The following ZNF276 variants were observed in gnomAD, a reference collection of about 807,000 sequenced individuals.
ZNF276 encodes zinc finger protein 276, also known as centromere protein Z.
ZNF276 carries 59 observed loss-of-function variants against 63.9 expected under a neutral mutation model. The ratio of observed to expected loss-of-function variants is 0.92; its 90% CI spans 0.75 to 1.15. ZNF276 has a LOEUF of 1.15. Ranked by LOEUF, ZNF276 falls within the 50% of genes most tolerant of loss-of-function variation. The pLI, the probability that ZNF276 is intolerant of heterozygous loss-of-function variation, is 0.00. For missense variants in ZNF276, 1,084 were observed against 843.8 expected (o/e 1.28, Z -3.53); for synonymous variants, 496 against 348.4 (o/e 1.42, Z -4.72).
chr16:89,730,320 G>A (rs2061604887), intron 6 of ZNF276, among the ~76,000 whole-genome samples: 1 of 152,168 alleles, frequency 6.6e-6, no homozygotes, highest in Non-Finnish European at 1.5e-5. Flanking sequence ...TGAGGCTGCT[G>A]TACGGAAGCC....
chr16:89,740,242 G>A lies in ZNF276; in HGVS notation c.*1996G>A. 5.3e-6 allele frequency: 4 copies of A among 756,108 alleles called. No individual in the cohort carries two copies. The highest frequency in any genetic ancestry group is 3.9e-5 in the Admixed American group (2 of 50,686). The allele number at this position is 756,108 out of a possible 1,614,324, so 46.8% of individuals were successfully genotyped here. ...ACTGGTGACAGTTTTACCTATAGAAGGTAATACTGGGCCTCTGGACAGAAG... is the reference window on the plus strand; with the variant it reads ...ACTGGTGACAGTTTTACCTATAGAAAGTAATACTGGGCCTCTGGACAGAAG... On this transcript the variant is annotated 3_prime_UTR_variant, in exon 11 of 11. Transcript: ENST00000443381.
At position 89,738,308 on chromosome 16, in the gene ZNF276, A is replaced by C; in HGVS notation, c.*62A>C. On this transcript the variant is annotated 3_prime_UTR_variant, in exon 11 of 11. Transcript: ENST00000443381. ...ACTCCGCAGTGGCTGTGTCAGCCTC[A>C]CCCTTCGTGTGCACCCGCATGGGAG... 70 of 1,525,374 alleles carry C rather than the reference A, an allele frequency of 4.6e-5. No homozygotes were observed. The highest frequency in any genetic ancestry group is 5.5e-5 in the Non-Finnish European group (63 of 1,136,380). The allele number at this position is 1,525,374 out of a possible 1,614,324, so 94.5% of individuals were successfully genotyped here.
chr16:89,723,710 G>C lies in ZNF276; in HGVS notation c.1006+1G>C. 6.2e-7 allele frequency: 1 copy of C among 1,606,312 alleles called. No individual in the cohort carries two copies. The highest frequency in any genetic ancestry group is 8.5e-7 in the Non-Finnish European group (1 of 1,175,962). ...AGCCTGCCCCTTTGCAGGGCCCCAG[G>C]TAGGAGGCACCTCTTGCTGGTGCTA... On this transcript the variant is annotated splice_donor_variant, in intron 4 of 10. Coordinates refer to ENST00000443381, the MANE Select transcript of ZNF276 (RefSeq NM_001113525.2). LOFTEE classifies it high-confidence loss of function.
At chr16:89,720,876 G>C, upstream of ZNF276, 1 of 1,354,424 alleles carries the variant, frequency 7.4e-7, no homozygotes. Flanking sequence ...CCGAGCGGGG[G>C]AGGCGGCGGC....
rs745577614 is a variant in ZNF276 at position 89,739,271 on chromosome 16, A to G, written c.*1025A>G. ...CCTCTTCCCTGATGGCCGCGTCTTC[A>G]TGGAAGTAGGAGAGAAGACTAGAGG... is the stretch of plus-strand genomic sequence containing the variant. On this transcript the variant is annotated 3_prime_UTR_variant, in exon 11 of 11. Transcript: ENST00000443381. 7.4e-6 allele frequency: 12 copies of G among 1,614,166 alleles called. No individual in the cohort carries two copies. The highest frequency in any genetic ancestry group is 1.0e-5 in the Non-Finnish European group (12 of 1,180,028).
At chr16:89,733,882 G>A in intron 8 of ZNF276, 39 bp from the exon 9 acceptor site, 1 of 1,599,886 alleles carries the variant, frequency 6.3e-7, no homozygotes, top group Non-Finnish European at 8.6e-7. Flanking sequence ...TGTGGCCCGG[G>A]TGCGGCTCTG....
intron 9 of ZNF276, among the ~76,000 whole-genome samples, chr16:89,735,622 AGCACTTTGGAG>A (rs1426288847): frequency 1.3e-5 from 2 of 152,082 alleles, no homozygotes; most frequent in Non-Finnish European, 1.5e-5. Flanking sequence ...CTGTAATCGC[AGCACTTTGGAG>A]GCTAAGGCAG....
In ZNF276 at chr16:89,737,860, A is replaced by AC; in HGVS notation, c.1531dup (p.Leu511ProfsTer17). 1 of 1,614,142 alleles carries AC rather than the reference A, an allele frequency of 6.2e-7. No individual in the cohort carries two copies. The highest frequency in any genetic ancestry group is 1.7e-5 in the Admixed American group (1 of 60,016). ...GGACAAACCTTCAAGCAGCGGAAGC[A>AC]CCTTCTCGTCCACCAAATGCGACAT... On this transcript the variant is annotated frameshift_variant, in exon 10 of 11. Transcript: ENST00000443381. LOFTEE classifies it high-confidence loss of function.
chr16:89,733,317 G>C lies in ZNF276; in HGVS notation c.1185G>C (p.Lys395Asn), dbSNP rs200120406. The part of the protein sequence containing the change: ...PYPERKVSGK[K>N]SESKEAKKSE... ...TTTTTTTCAGAGTCTCTGGTAAGAA[G>C]AGTGAAAGCAAAGAAGCCAAGAAGT... Residue 395 changes from lysine (K) to asparagine (N), a missense_variant, in exon 7 of 11, where the codon AAG becomes AAC. Physicochemically the swap from Lys to Asn is moderately conservative, Grantham distance 94. Coordinates refer to ENST00000443381, the MANE Select transcript of ZNF276 (RefSeq NM_001113525.2). The C allele has an allele frequency of 1.2e-6, 2 of 1,613,950 alleles. No individual in the cohort carries two copies. Among genetic ancestry groups the C allele is most frequent in the African/African-American group, 2.7e-5 (2 of 74,926 alleles).
Position 89,733,550 on chromosome 16 carries a change from G to A in ZNF276, c.1349G>A (p.Gly450Asp). The change falls in exon 8 of 11, where the codon GGC becomes GAC. Residue 450 changes from glycine (G) to aspartate (D), a missense_variant. Physicochemically the swap from Gly to Asp is moderately conservative, Grantham distance 94 (BLOSUM62 -1). Transcript: ENST00000443381. ...ACGGCCGTGTACCGAGGCGCTGACG[G>A]CATGAAGGTGAGCACTGGCTGTGCC... The part of the protein sequence containing the change: ...GCTAVYRGAD[G>D]MKKHIKEHHE... 6.2e-7 allele frequency: 1 copy of A among 1,613,994 alleles called. No individual in the cohort carries two copies. Among genetic ancestry groups the A allele is most frequent in the Non-Finnish European group, 8.5e-7 (1 of 1,180,032 alleles).
chr16:89,736,331 ATT>A (rs754681240), intron 9 of ZNF276, among the ~76,000 whole-genome samples: 5 of 135,076 alleles, frequency 3.7e-5, no homozygotes, highest in African/African-American at 1.4e-4. Context: ...CCAGCCCCCA[ATT>A]TTTTTTTTTT....
chr16:89,722,136 A>T (rs1429061504), intron 1 of ZNF276, among the ~76,000 whole-genome samples: 1 of 151,930 alleles, frequency 6.6e-6, no homozygotes, highest in African/African-American at 2.4e-5. Flanking sequence ...CGCGCGTGGG[A>T]ATCGCCCTCC....
chr16:89,732,853 T>C (rs2061709531), intron 6 of ZNF276: 1 of 220,574 alleles, frequency 4.5e-6, no homozygotes, highest in Non-Finnish European at 9.0e-6. Flanking sequence ...CCTTGCCCTC[T>C]GCTGTGCTCG....
chr16:89,727,904 G>C (rs1293636995), intron 5 of ZNF276, among the ~76,000 whole-genome samples: 7 of 152,236 alleles, frequency 4.6e-5, no homozygotes, highest in Non-Finnish European at 1.5e-5. Flanking sequence ...GGCCTCAGAA[G>C]GGACCTCATC....
intron 6 of ZNF276, 81 bp downstream of exon 6, chr16:89,729,399 G>T: frequency 1.6e-6 from 2 of 1,266,996 alleles, no homozygotes; most frequent in Non-Finnish European, 2.3e-6. Flanking sequence ...CCTCTCCCCG[G>T]TGCCCACTCA....
chr16:89,739,548 T>A lies in ZNF276; in HGVS notation c.*1302T>A. The A allele has an allele frequency of 6.4e-7, 1 of 1,551,228 alleles. No homozygotes were observed. Among genetic ancestry groups the A allele is most frequent in the South Asian group, 1.2e-5 (1 of 84,060 alleles). On this transcript the variant is annotated 3_prime_UTR_variant, in exon 11 of 11. Transcript: ENST00000443381. ...ACACGGAGGAGGAGCCGCCCCAGCC[T>A]GAGGTCTGCAACACCAAGAAGTGGC...
chr16:89,738,280 T>C lies in ZNF276; in HGVS notation c.*34T>C. 5 of 1,559,956 alleles carry C rather than the reference T, an allele frequency of 3.2e-6. No homozygotes were observed. Among genetic ancestry groups the C allele is most frequent in the Non-Finnish European group, 4.3e-6 (5 of 1,154,094 alleles). On this transcript the variant is annotated 3_prime_UTR_variant, in exon 11 of 11. Transcript: ENST00000443381. ...GTGAGGATGAGCACCTCTAGCAGCC[T>C]GGACTCCGCAGTGGCTGTGTCAGCC...
intron 9 of ZNF276, among the ~76,000 whole-genome samples, chr16:89,735,443 G>T (rs1286979065): frequency 6.6e-6 from 1 of 152,098 alleles, no homozygotes; most frequent in Admixed American, 6.6e-5. Flanking sequence ...TCACTGCTGG[G>T]TCATCTCCCG....
At chr16:89,725,060 C>T (rs915263525) in intron 4 of ZNF276, among the ~76,000 whole-genome samples, 1 of 152,162 alleles carries the variant, frequency 6.6e-6, no homozygotes, top group Admixed American at 6.5e-5. Context: ...ATGACAGGCA[C>T]ATGCCACCAC....
Sources: allele counts gnomAD v4.1 joint callset (sites outside exome capture counted in the v4.1 genomes callset), GRCh38; gene constraint gnomAD v4.1.1; transcripts MANE v1.5; gene names NCBI Gene and HGNC (gene_info 2026-07-23, HGNC 2026-07-21).